TRO: variants seen among roughly 807,000 people sequenced by gnomAD.
TRO encodes MAGE superfamily protein.
In TRO, 29 loss-of-function variants were observed where a neutral mutation model predicts 42.3. The observed-to-expected ratio is 0.68, with a 90% confidence interval of 0.51 to 0.93. TRO has a LOEUF of 0.93. Ranked by LOEUF, TRO falls within the 40% of genes least tolerant of loss-of-function variation. The probability of loss-of-function intolerance (pLI) is 0.00; values close to 1 mark genes in which losing one functional copy is unlikely to be tolerated. For synonymous variants in TRO, 384 were observed against 425.2 expected, an observed-to-expected ratio of 0.90 and a Z score of 1.19; for missense variants, 963 against 1,127.7, an observed-to-expected ratio of 0.85 and a Z score of 2.09.
intron 7 of TRO, 22 bp downstream of exon 7, chrX:54,925,705 G>A (rs764095724): frequency 5.0e-5 from 58 of 1,153,228 alleles, no homozygotes; most frequent in Non-Finnish European, 6.6e-5. Flanking sequence ...AAGGGCTGGA[G>A]TGGGAAGGAA....
chrX:54,931,031 G>A lies in TRO; in HGVS notation c.*11G>A. On this transcript the variant is annotated splice_region_variant and 3_prime_UTR_variant, in exon 12 of 13. Coordinates refer to ENST00000173898, the MANE Select transcript of TRO (RefSeq NM_001039705.3). ...TTCTCGTATGGCTAGTGAGGTTTCAGGTAACTGCAATATTTCCATAGCCAG... is the reference window on the plus strand; with the variant it reads ...TTCTCGTATGGCTAGTGAGGTTTCAAGTAACTGCAATATTTCCATAGCCAG... 1 of 1,177,305 alleles carries A rather than the reference G, an allele frequency of 8.5e-7. No individual in the cohort carries two copies. Among genetic ancestry groups the A allele is most frequent in the Non-Finnish European group, 1.1e-6 (1 of 876,354 alleles).
rs757824598 is a variant in TRO at position 54,922,277 on chromosome X, G to A, written c.31G>A (p.Val11Met). Residue 11 changes from valine to methionine, a missense_variant, in exon 2 of 13, where the codon GTG becomes ATG. Coordinates refer to ENST00000173898, the MANE Select transcript of TRO (RefSeq NM_001039705.3). ...TAGGAGAAATGACTACGGATATAGG[G>A]TGCCTCTATTTCAGGTGAGGCCTCT... MDRRNDYGYR[V>M]PLFQGPLPPP... 5.8e-6 allele frequency: 7 copies of A among 1,207,047 alleles called. No homozygotes were observed. The highest frequency in any genetic ancestry group is 2.2e-5 in the Admixed American group (1 of 45,656).
In TRO at chrX:54,931,153, G is replaced by T. The variant is rs1933151020; in HGVS notation, c.*12-51G>T. 3 of 1,204,096 alleles carry T rather than the reference G, an allele frequency of 2.5e-6. No homozygotes were observed. In the East Asian group the frequency reaches 8.9e-5, roughly 36 times the overall value. On this transcript the variant is annotated intron_variant, in intron 12 of 12. Transcript: ENST00000173898. ...GGTGAGGGCAATTAAGGAATTATGA[G>T]AAGACAGTGTATTTGGTGCTAAAAT...
rs759964435 is a variant in TRO, at chrX:54,925,599, G to C, written c.1493G>C (p.Arg498Pro). Residue 498 changes from arginine (R) to proline (P), a missense_variant, in exon 7 of 13, where the codon CGA becomes CCA. Physicochemically the swap from Arg to Pro is moderately radical, Grantham distance 103 (BLOSUM62 -2). Around this residue, in one of 2 missense-constraint regions of TRO, gnomAD observed 641 missense variants for 811.3 expected, o/e 0.79. Transcript: ENST00000173898. ...RASYTLEKMF[R>P]VNLKEIDKQS... ...TATTCTTTTACTTGGCAGATGTTTC[G>C]AGTCAATCTGAAAGAAATTGATAAG... 1 of 1,206,923 alleles carries C rather than the reference G, an allele frequency of 8.3e-7. No individual in the cohort carries two copies. Among genetic ancestry groups the C allele is most frequent in the East Asian group, 3.0e-5 (1 of 33,719 alleles).
intron 12 of TRO, 53 bp from the exon 13 acceptor site, chrX:54,931,151 G>A: frequency 3.3e-6 from 4 of 1,202,073 alleles, no homozygotes; most frequent in Non-Finnish European, 4.5e-6. Context: ...AAGGAATTAT[G>A]AGAAGACAGT....
At chrX:54,927,395 T>A in intron 10 of TRO, 1 of 486,422 alleles carries the variant, frequency 2.1e-6, no homozygotes, top group East Asian at 3.4e-5. Context: ...ACAGGTGGCA[T>A]GATACTTTGG....
chrX:54,922,254 G>A lies in TRO; in HGVS notation c.8G>A (p.Arg3Lys). MD[R>K]RNDYGYRVPL... Reference sequence around the variant, plus strand: ...ACTCGGCCTCCCAGAAAGATGGATAGGAGAAATGACTACGGATATAGGGTG... The same window carrying A: ...ACTCGGCCTCCCAGAAAGATGGATAAGAGAAATGACTACGGATATAGGGTG... Residue 3 changes from arginine to lysine, a missense_variant, in exon 2 of 13, where the codon AGG becomes AAG. This residue lies in a region of TRO where 322 missense variants were observed against 316.5 expected (regional missense o/e 1.02). Coordinates refer to ENST00000173898, the MANE Select transcript of TRO (RefSeq NM_001039705.3). 1.7e-6 allele frequency: 2 copies of A among 1,209,689 alleles called. No individual in the cohort carries two copies. Among genetic ancestry groups the A allele is most frequent in the Non-Finnish European group, 2.2e-6 (2 of 894,617 alleles).
Position 54,931,222 on chromosome X carries a change from C to A in TRO, c.*30C>A. ...TTTTCAGATTTATTCCCCATGTTTA[C>A]AGATACCGCTAATAAATTGCAGTAG... On this transcript the variant is annotated 3_prime_UTR_variant, in exon 13 of 13. Transcript: ENST00000173898. 1.7e-6 allele frequency: 2 copies of A among 1,211,610 alleles called. No homozygotes were observed. Among genetic ancestry groups the A allele is most frequent in the African/African-American group, 3.5e-5 (2 of 57,853 alleles).
At position 54,923,703 on chromosome X, in the gene TRO, G is replaced by C; in HGVS notation, c.1171G>C (p.Asp391His). Reference protein sequence around the residue: ...QVAAAVQALADDYLAQLSLEP... With the variant: ...QVAAAVQALAHDYLAQLSLEP... Reference sequence around the variant, plus strand: ...TGCTGCTGCTGTCCAGGCCCTGGCAGATGACTATCTGGCTCAGTTGAGCCT... The same window carrying C: ...TGCTGCTGCTGTCCAGGCCCTGGCACATGACTATCTGGCTCAGTTGAGCCT... Residue 391 changes from aspartate to histidine, a missense_variant, in exon 3 of 13, where the codon GAT becomes CAT. Physicochemically the swap from Asp to His is moderately conservative, Grantham distance 81 (BLOSUM62 -1). Transcript: ENST00000173898. 1 of 1,211,594 alleles carries C rather than the reference G, an allele frequency of 8.3e-7. No homozygotes were observed. The highest frequency in any genetic ancestry group is 1.1e-6 in the Non-Finnish European group (1 of 895,265).
intron 9 of TRO, 106 bp from the exon 10 acceptor site, chrX:54,926,937 G>A: frequency 2.1e-6 from 2 of 938,224 alleles, no homozygotes; most frequent in Non-Finnish European, 3.0e-6. Context: ...TCACTTCATT[G>A]AGACTGCCCC....
chrX:54,922,142 C>G, intron 1 of TRO, 61 bp from the exon 2 acceptor site: 3 of 945,054 alleles, frequency 3.2e-6, no homozygotes, highest in Non-Finnish European at 4.4e-6. Context: ...TGAGACTCCC[C>G]TAAGTCAGGA....
rs773766066 is a variant in TRO at position 54,929,702 on chromosome X, T to G, written c.2978T>G (p.Met993Arg). The change falls in exon 12 of 13, where the codon ATG (methionine) becomes AGG (arginine). Residue 993 changes from methionine to arginine, a missense_variant. Physicochemically the swap from Met to Arg is moderately conservative, Grantham distance 91 (BLOSUM62 -1). This residue lies in a region of TRO where 641 missense variants were observed against 811.3 expected (regional missense o/e 0.79). Transcript: ENST00000173898. ...LNTSTGFGGA[M>R]STSADFGGTL... ...ACCAGTACTGGTTTTGGTGGTGCTA[T>G]GAGCACCAGTGCTGACTTTGGCGGT... The G allele has an allele frequency of 8.3e-7, 1 of 1,209,122 alleles. No individual in the cohort carries two copies. Among genetic ancestry groups the G allele is most frequent in the African/African-American group, 1.8e-5 (1 of 56,863 alleles).
In TRO at chrX:54,929,417, G is replaced by A; in HGVS notation, c.2693G>A (p.Cys898Tyr). 8.2e-7 allele frequency: 1 copy of A among 1,212,368 alleles called. No homozygotes were observed. Among genetic ancestry groups the A allele is most frequent in the Non-Finnish European group, 1.1e-6 (1 of 895,629 alleles). The change falls in exon 12 of 13, where the codon TGT becomes TAT. Residue 898 changes from cysteine to tyrosine, a missense_variant. By Grantham distance (194) the Cys-to-Tyr change is radical (BLOSUM62 -2). Around this residue, in one of 2 missense-constraint regions of TRO, gnomAD observed 641 missense variants for 811.3 expected, o/e 0.79. Coordinates refer to ENST00000173898, the MANE Select transcript of TRO (RefSeq NM_001039705.3). ...GFGGILSTSV[C>Y]FGGSPSSSGS... ...GGAGGCATACTCAGCACCAGTGTCT[G>A]TTTTGGTGGCTCTCCCAGCTCCAGT...
intron 3 of TRO, chrX:54,924,043 TAC>T: frequency 2.6e-6 from 1 of 380,935 alleles, no homozygotes; most frequent in Admixed American, 5.0e-5. Context: ...TTGTGTTGGG[TAC>T]AGTTACACAG....
chrX:54,924,948 C>T (rs777580823), intron 5 of TRO, 41 bp from the exon 6 acceptor site: 1 of 1,171,961 alleles, frequency 8.5e-7, no homozygotes, highest in Non-Finnish European at 1.2e-6. Flanking sequence ...GCTCTGTGGC[C>T]CCTGCTAAGC....
In TRO at chrX:54,922,724, CCGG is replaced by C; in HGVS notation, c.194_196del (p.Arg65del). On this transcript the variant is annotated inframe_deletion, in exon 3 of 13. Coordinates refer to ENST00000173898, the MANE Select transcript of TRO (RefSeq NM_001039705.3). ...TGGCCATGGACCCACCAGTTGTCAA[CCGG>C]CCTAAGAAAAGCAAGACCAAGAAGG... 8.3e-7 allele frequency: 1 copy of C among 1,209,482 alleles called. No individual in the cohort carries two copies. Among genetic ancestry groups the C allele is most frequent in the Non-Finnish European group, 1.1e-6 (1 of 894,258 alleles).
rs1404753328 is a variant in TRO at position 54,920,864 on chromosome X, A to G, written c.-59A>G. The G allele has an allele frequency of 2.7e-5, 3 of 110,315 alleles. No individual in the cohort carries two copies. Among genetic ancestry groups the G allele is most frequent in the African/African-American group, 9.9e-5 (3 of 30,254 alleles). 9.1% of individuals were successfully genotyped at this position (110,315 alleles called of 1,213,427 possible). A position where few individuals can be genotyped will look rare whatever the true frequency, so the allele number is the denominator to read the frequency against. On this transcript the variant is annotated 5_prime_UTR_variant, in exon 1 of 13. Coordinates refer to ENST00000173898, the MANE Select transcript of TRO (RefSeq NM_001039705.3). ...CTTGGAGAGAGCAGACGCCTTCTGG[A>G]TTCAAGAAGACGAGGTGAGCTGAGG... is the stretch of plus-strand genomic sequence containing the variant.
At chrX:54,924,943 G>A (rs769745380) in intron 5 of TRO, 46 bp from the exon 6 acceptor site, 1 of 1,162,950 alleles carries the variant, frequency 8.6e-7, no homozygotes, top group Non-Finnish European at 1.2e-6. Context: ...CTGCAGCTCT[G>A]TGGCCCCTGC....
rs112522934 is a variant in TRO, at chrX:54,922,049, G to T, written c.-44-154G>T. 2,738 of 406,316 alleles carry T rather than the reference G, an allele frequency of 6.7e-3. 44 individuals carry two copies. Among genetic ancestry groups the T allele is most frequent in the African/African-American group, 0.062 (2,450 of 39,255 alleles). The allele number at this position is 406,316 out of a possible 1,213,427, so 33.5% of individuals were successfully genotyped here. ...GAACTGACTCTCTCGGAGGCAAAAG[G>T]AGCTGGGCCTTGGAAACCAGATGGC... is the stretch of plus-strand genomic sequence containing the variant. On this transcript the variant is annotated intron_variant, in intron 1 of 12. Coordinates refer to ENST00000173898, the MANE Select transcript of TRO (RefSeq NM_001039705.3).
Sources: gnomAD v4.1 joint callset for allele counts on GRCh38, gnomAD v4.1.1 for gene constraint, gnomAD v4.1.1 regional missense constraint, MANE v1.5 for transcripts, NCBI Gene and HGNC (gene_info 2026-07-23, HGNC 2026-07-21) for gene names.